The following ERICH1 variants were observed in gnomAD, a reference collection of about 807,000 sequenced individuals.
ERICH1 encodes glutamate-rich protein 1.
In ERICH1, 56 loss-of-function variants were observed where a neutral mutation model predicts 39.6. That is an observed-to-expected ratio of 1.41 (90% CI 1.14 to 1.77). The LOEUF (loss-of-function observed/expected upper bound fraction) is 1.77. Ranked by LOEUF, ERICH1 falls within the 40% of genes most tolerant of loss-of-function variation. ERICH1 has a pLI of 0.00. For synonymous variants in ERICH1, 313 were observed against 223.6 expected, an observed-to-expected ratio of 1.40 and a Z score of -3.57; for missense variants, 826 against 575.4, an observed-to-expected ratio of 1.44 and a Z score of -4.45.
At chr8:624,503 G>A (rs2117053347) in intron 3 of ERICH1, among the ~76,000 whole-genome samples, 1 of 152,300 alleles carries the variant, frequency 6.6e-6, no homozygotes, top group African/African-American at 2.4e-5. Context: ...TTCTTGAACT[G>A]CTATAAAGAA....
downstream of ERICH1, among the ~76,000 whole-genome samples, chr8:662,858 G>C (rs889650505): frequency 6.6e-6 from 1 of 152,102 alleles, no homozygotes; most frequent in African/African-American, 2.4e-5. Flanking sequence ...CGGAGTTAGG[G>C]GAAGAGAAGG....
chr8:635,701 G>C (rs996886512), intron 3 of ERICH1, among the ~76,000 whole-genome samples: 1 of 152,226 alleles, frequency 6.6e-6, no homozygotes, highest in African/African-American at 2.4e-5. Context: ...AGGGTCCCTG[G>C]AGGCTCTAGC....
chr8:711,993 T>C lies in ERICH1; in HGVS notation c.169+3868A>G, dbSNP rs527414262. The stretch of plus-strand genomic sequence containing the variant: ...TTTCTGTACTCTCTATTCTGTCCCA[T>C]TAATCTATGTGTCTACTCTTTTGCC... On this transcript the variant is annotated intron_variant, in intron 2 of 5. Coordinates refer to ENST00000262109, the MANE Select transcript of ERICH1 (RefSeq NM_207332.3). Among the ~76,000 whole-genome samples the C allele has an allele frequency of 2.4e-4, 36 of 152,226 alleles. 2 individuals carry two copies. Among genetic ancestry groups the C allele is most frequent in the Admixed American group, 2.0e-3 (30 of 15,290 alleles).
At chr8:642,368 A>C in intron 3 of ERICH1, among the ~76,000 whole-genome samples, 1 of 115,998 alleles carries the variant, frequency 8.6e-6, no homozygotes, top group South Asian at 2.9e-4. Context: ...TTTTTGAGAC[A>C]GAGTCTCGCT....
At chr8:682,528 C>A (rs1806362071) in intron 3 of ERICH1, among the ~76,000 whole-genome samples, 3 of 152,184 alleles carry the variant, frequency 2.0e-5, no homozygotes, top group Admixed American at 1.3e-4. Context: ...TCCACATCTC[C>A]AGGGCATGTG....
Position 690,979 on chromosome 8 carries a change from TCA to T in ERICH1, c.304+1497_304+1498del, listed in dbSNP as rs1160990904. Reference sequence around the variant, plus strand: ...GTGTTCCCACACTGACCTTGGAGGGTCAGAGAGAGAGGGGTCCCATCCTTGCT... The same window carrying T: ...GTGTTCCCACACTGACCTTGGAGGGTGAGAGAGAGGGGTCCCATCCTTGCT... On this transcript the variant is annotated intron_variant, in intron 3 of 5. Coordinates refer to ENST00000262109, the MANE Select transcript of ERICH1 (RefSeq NM_207332.3). 3.3e-5 allele frequency: 5 copies of T among 152,370 alleles called. No individual in the cohort carries two copies. In the East Asian group the frequency reaches 9.7e-4, roughly 29 times the overall value. The allele number at this position is 152,370 out of a possible 1,614,324, so 9.4% of individuals were successfully genotyped here. A position where few individuals can be genotyped will look rare whatever the true frequency, so the allele number is the denominator to read the frequency against.
chr8:711,189 ATTAAGTT>A (rs1360666429), intron 2 of ERICH1, among the ~76,000 whole-genome samples: 31 of 152,298 alleles, frequency 2.0e-4, no homozygotes, highest in Admixed American at 1.7e-3. Context: ...CCATTTTCTT[ATTAAGTT>A]TTAAGAATTC....
chr8:676,707 C>A (rs1265680065), intron 3 of ERICH1, among the ~76,000 whole-genome samples: 1 of 152,198 alleles, frequency 6.6e-6, no homozygotes, highest in Non-Finnish European at 1.5e-5. Flanking sequence ...AAAGTCTATA[C>A]CACGGGCGTC....
In ERICH1 at chr8:681,808, C is replaced by T. The variant is rs766170765; in HGVS notation, c.305-7761G>A. On this transcript the variant is annotated intron_variant, in intron 3 of 5. Transcript: ENST00000262109. Reference sequence around the variant, plus strand: ...GCCCGGCTGAGCCTTCGTCAGGCTCCGGAACCTCCTCTGAGGCCCACCTGT... The same window carrying T: ...GCCCGGCTGAGCCTTCGTCAGGCTCTGGAACCTCCTCTGAGGCCCACCTGT... 6.6e-5 allele frequency among the ~76,000 whole-genome samples: 10 copies of T among 152,166 alleles called. No individual in the cohort carries two copies. The East Asian group carries it at 1.7e-3, about 26-fold the overall frequency.
intron 2 of ERICH1, 107 bp from the exon 3 acceptor site, chr8:692,719 GA>G: frequency 7.9e-7 from 1 of 1,266,132 alleles, no homozygotes; most frequent in Admixed American, 3.3e-5. Context: ...TTCAAGACAT[GA>G]AATCAAAGAG....
chr8:657,380 A>C (rs1669658), intron 3 of ERICH1, among the ~76,000 whole-genome samples: 1 of 151,694 alleles, frequency 6.6e-6, no homozygotes, highest in Non-Finnish European at 1.5e-5. Flanking sequence ...TCTGGTCGGA[A>C]GGGAGGTTAT....
At position 673,723 on chromosome 8, in the gene ERICH1, C is replaced by A. The variant is rs771529361; in HGVS notation, c.629G>T (p.Gly210Val). ...EGVGEACEED[G>V]VDTSEEDPTL... ...CGGGTCTTCCTCGCTGGTGTCCACA[C>A]CATCCTCCTCACAAGCCTCTCCCAC... The change falls in exon 4 of 6, where the codon GGT becomes GTT. Residue 210 changes from glycine to valine, a missense_variant. Physicochemically the swap from Gly to Val is moderately radical, Grantham distance 109 (BLOSUM62 -3). Coordinates refer to ENST00000262109, the MANE Select transcript of ERICH1 (RefSeq NM_207332.3). The A allele has an allele frequency of 5.6e-6, 9 of 1,614,070 alleles. No individual in the cohort carries two copies. The highest frequency in any genetic ancestry group is 1.6e-4 in the Middle Eastern group (1 of 6,084).
At chr8:637,320 G>A (rs1206809990) in intron 3 of ERICH1, among the ~76,000 whole-genome samples, 2 of 152,238 alleles carry the variant, frequency 1.3e-5, no homozygotes, top group Non-Finnish European at 1.5e-5. Flanking sequence ...TGGCCTGAGT[G>A]GGTAAAAGCC....
chr8:643,566 TCCCCCTACCC>T (rs1051583267), intron 3 of ERICH1, among the ~76,000 whole-genome samples: 3 of 150,434 alleles, frequency 2.0e-5, no homozygotes, highest in Non-Finnish European at 4.4e-5. Context: ...CCCTGGCAGC[TCCCCCTACCC>T]CCTCACCTTT....
chr8:642,158 A>G (rs1799067242), intron 3 of ERICH1, among the ~76,000 whole-genome samples: 1 of 152,170 alleles, frequency 6.6e-6, no homozygotes, highest in African/African-American at 2.4e-5. Context: ...CTCTGCTTGG[A>G]CACTGGCCCA....
chr8:692,500 G>C lies in ERICH1; in HGVS notation c.282C>G (p.Ala94=). 6.2e-7 allele frequency: 1 copy of C among 1,614,090 alleles called. No individual in the cohort carries two copies. The highest frequency in any genetic ancestry group is 1.1e-5 in the South Asian group (1 of 91,082). ...TACCTTCTGTGTCATCCCCGCTGGAGGCGTTCTCGGGGCTCCCACAGCTGC... is the reference window on the plus strand; with the variant it reads ...TACCTTCTGTGTCATCCCCGCTGGACGCGTTCTCGGGGCTCCCACAGCTGC... ...EPSSCGSPEN[A]SSGDDTEDQD... is the part of the protein sequence containing the mutation. Residue 94 remains alanine, a synonymous_variant, in exon 3 of 6, where the codon GCC becomes GCG. Coordinates refer to ENST00000262109, the MANE Select transcript of ERICH1 (RefSeq NM_207332.3).
chr8:616,888 GACAC>G (rs374575773), intron 3 of ERICH1, among the ~76,000 whole-genome samples: 1 of 65,874 alleles, frequency 1.5e-5, no homozygotes, highest in African/African-American at 8.6e-5. Context: ...GGGAGACAGA[GACAC>G]ACACACACAC....
intron 3 of ERICH1, among the ~76,000 whole-genome samples, chr8:674,433 G>T (rs1215843872): frequency 6.6e-6 from 1 of 151,308 alleles, no homozygotes; most frequent in African/African-American, 2.4e-5. Context: ...CTCTCCAGTA[G>T]CTGGGAGTAC....
chr8:722,269 G>T (rs1020172897), intron 1 of ERICH1, among the ~76,000 whole-genome samples: 5 of 150,460 alleles, frequency 3.3e-5, no homozygotes, highest in African/African-American at 7.3e-5. Flanking sequence ...TGACGAAGCA[G>T]GCCAAGCAAT....
Sources: allele counts gnomAD v4.1 joint callset (sites outside exome capture counted in the v4.1 genomes callset), GRCh38; gene constraint gnomAD v4.1.1; transcripts MANE v1.5; gene names NCBI Gene and HGNC (gene_info 2026-07-23, HGNC 2026-07-21).